Variants in SIL1 observed in about 807,000 individuals in gnomAD.
SIL1 encodes the protein SIL1 nucleotide exchange factor.
Under a neutral mutation model 49.1 loss-of-function variants are expected in SIL1, and 40 were observed. That is an observed-to-expected ratio of 0.81 (90% CI 0.63 to 1.06). The LOEUF is 1.06. Among genes scored for constraint, SIL1 ranks in the 50% least tolerant of loss-of-function variants. SIL1 has a pLI of 0.00. For missense variants in SIL1, 500 were observed against 572.6 expected, an observed-to-expected ratio of 0.87 and a Z score of 1.29; for synonymous variants, 253 against 250.8, an observed-to-expected ratio of 1.01 and a Z score of -0.08.
intron 3 of SIL1, among the ~76,000 whole-genome samples, chr5:139,095,055 C>A (rs932403631): frequency 3.9e-5 from 6 of 152,194 alleles, no homozygotes; most frequent in Admixed American, 2.0e-4. Flanking sequence ...TGCATCATAT[C>A]CACATGACAA....
chr5:139,169,158 A>T (rs1751682926), intron 1 of SIL1, among the ~76,000 whole-genome samples: 1 of 152,124 alleles, frequency 6.6e-6, no homozygotes, highest in Admixed American at 6.6e-5. Flanking sequence ...TCCTGCCTCT[A>T]AACAAAAATG....
chr5:139,185,221 G>C (rs1320895887), intron 1 of SIL1, among the ~76,000 whole-genome samples: 1 of 152,164 alleles, frequency 6.6e-6, no homozygotes, highest in Non-Finnish European at 1.5e-5. Context: ...CAGGGTGTGT[G>C]AGTGTACCTT....
chr5:139,081,029 G>T (rs1770061125), intron 3 of SIL1, among the ~76,000 whole-genome samples: 1 of 152,094 alleles, frequency 6.6e-6, no homozygotes, highest in African/African-American at 2.4e-5. Flanking sequence ...AAAAAGAGTT[G>T]GACTACCTCA....
chr5:139,164,975 T>C (rs1751586123), intron 1 of SIL1, among the ~76,000 whole-genome samples: 1 of 152,378 alleles, frequency 6.6e-6, no homozygotes, highest in South Asian at 2.1e-4. Context: ...ATATCTTGAA[T>C]GGCCCTGCAA....
At chr5:139,009,903 CTTCAT>C (rs1768213996) in intron 7 of SIL1, among the ~76,000 whole-genome samples, 3 of 150,110 alleles carry the variant, frequency 2.0e-5, no homozygotes. Context: ...ACATTTTTTC[CTTCAT>C]TTCAACTTTG....
At chr5:138,983,227 G>A (rs76044152) in intron 7 of SIL1, among the ~76,000 whole-genome samples, 53 of 119,496 alleles carry the variant, frequency 4.4e-4, no homozygotes, top group African/African-American at 1.6e-3. Flanking sequence ...AAAAAAAAAA[G>A]GCCGGGCGCG....
intron 7 of SIL1, among the ~76,000 whole-genome samples, chr5:138,982,196 G>A (rs1767542035): frequency 1.3e-5 from 2 of 152,196 alleles, no homozygotes; most frequent in African/African-American, 4.8e-5. Context: ...TCCTCTAAGA[G>A]TGTAACAGAG....
chr5:139,132,039 A>C (rs370175115), intron 1 of SIL1, among the ~76,000 whole-genome samples: 1 of 152,332 alleles, frequency 6.6e-6, no homozygotes, highest in African/African-American at 2.4e-5. Flanking sequence ...TGAGATACTC[A>C]TGTGTATACA....
In SIL1 at chr5:139,197,642, C is replaced by T. The variant is rs148752448; in HGVS notation, c.-11+627G>A. Among the ~76,000 whole-genome samples, 85 of 152,268 alleles carry T rather than the reference C, an allele frequency of 5.6e-4. No individual in the cohort carries two copies. The East Asian group carries it at 0.015, about 27-fold the overall frequency. On this transcript the variant is annotated intron_variant, in intron 1 of 9. Coordinates refer to ENST00000394817, the MANE Select transcript of SIL1 (RefSeq NM_022464.5). ...CCAGGGGCTCATATGTCAAGTCATT[C>T]TCTCCTGACTTCTGAAGCAGGGATT...
chr5:139,159,935 T>C (rs942039043), intron 1 of SIL1, among the ~76,000 whole-genome samples: 1 of 151,912 alleles, frequency 6.6e-6, no homozygotes, highest in African/African-American at 2.4e-5. Flanking sequence ...ACAAAAACCC[T>C]CAACCTAAAA....
At chr5:139,187,346 G>A (rs555018075) in intron 1 of SIL1, among the ~76,000 whole-genome samples, 4 of 152,146 alleles carry the variant, frequency 2.6e-5, no homozygotes, top group African/African-American at 9.6e-5. Flanking sequence ...GTGAAACCCC[G>A]TCTCTACTAA....
At chr5:139,097,687 A>G (rs886280093) in intron 3 of SIL1, among the ~76,000 whole-genome samples, 3 of 152,060 alleles carry the variant, frequency 2.0e-5, no homozygotes, top group African/African-American at 7.2e-5. Flanking sequence ...CATATTGGCC[A>G]GGCTGGTCTT....
chr5:139,026,828 GA>G lies in SIL1; in HGVS notation c.617del (p.Leu206ProfsTer26), dbSNP rs1768664693. 1.2e-6 allele frequency: 2 copies of G among 1,614,122 alleles called. No individual in the cohort carries two copies. Among genetic ancestry groups the G allele is most frequent in the African/African-American group, 2.7e-5 (2 of 75,058 alleles). On this transcript the variant is annotated frameshift_variant, in exon 6 of 10. Transcript: ENST00000394817. LOFTEE classifies it high-confidence loss of function. ...SSSLEEKIAA[L>X]FDLEYYVHQM... is the part of the protein sequence containing the mutation. The stretch of plus-strand genomic sequence containing the variant: ...GATGGACATAATATTCAAGATCAAA[GA>G]GCGCAGCAATCTTCTCTTCCAAACT...
intron 1 of SIL1, among the ~76,000 whole-genome samples, chr5:139,178,244 T>C (rs1020916518): frequency 6.6e-5 from 10 of 152,220 alleles, no homozygotes; most frequent in African/African-American, 1.9e-4. Flanking sequence ...AGTCTCAAGA[T>C]TGCCATTTAG....
rs549935736 is a variant in SIL1, at chr5:139,187,134, G to A, written c.-11+11135C>T. Among the ~76,000 whole-genome samples, 44 of 152,274 alleles carry A rather than the reference G, an allele frequency of 2.9e-4. No homozygotes were observed. In the Middle Eastern group the frequency reaches 0.01, roughly 35 times the overall value. On this transcript the variant is annotated intron_variant, in intron 1 of 9. Transcript: ENST00000394817. ...ACAAACATCATACCATAATAAAAGTGTGCTGAATTCTATAATAAAGGTGTT... is the reference window on the plus strand; with the variant it reads ...ACAAACATCATACCATAATAAAAGTATGCTGAATTCTATAATAAAGGTGTT...
At chr5:138,953,649 G>A (rs1766835647) in intron 7 of SIL1, among the ~76,000 whole-genome samples, 1 of 151,810 alleles carries the variant, frequency 6.6e-6, no homozygotes, top group South Asian at 2.1e-4. Context: ...GCAGGCAGGC[G>A]CTGGCGCAGG....
chr5:139,178,334 G>T lies in SIL1; in HGVS notation c.-11+19935C>A, dbSNP rs568929120. Among the ~76,000 whole-genome samples the T allele has an allele frequency of 6.6e-5, 10 of 152,254 alleles. No individual in the cohort carries two copies. In the South Asian group the frequency reaches 2.1e-3, roughly 32 times the overall value. On this transcript the variant is annotated intron_variant, in intron 1 of 9. Transcript: ENST00000394817. Reference sequence around the variant, plus strand: ...TCACTCCCTCAACAAAATCCATCCAGTGTCCAAAAGGGTGCTGCTCATTTG... The same window carrying T: ...TCACTCCCTCAACAAAATCCATCCATTGTCCAAAAGGGTGCTGCTCATTTG...
chr5:139,188,859 G>T (rs1752120031), intron 1 of SIL1, among the ~76,000 whole-genome samples: 1 of 152,178 alleles, frequency 6.6e-6, no homozygotes, highest in Non-Finnish European at 1.5e-5. Flanking sequence ...CCGAAACAAG[G>T]CCTGCTGGCT....
intron 1 of SIL1, among the ~76,000 whole-genome samples, chr5:139,129,710 T>A (rs763206311): frequency 3.9e-5 from 6 of 152,300 alleles, no homozygotes; most frequent in Admixed American, 6.5e-5. Context: ...CCTTACCTTA[T>A]ATCATTTATA....
Sources: allele counts gnomAD v4.1 joint callset (sites outside exome capture counted in the v4.1 genomes callset), GRCh38; gene constraint gnomAD v4.1.1; transcripts MANE v1.5; gene names NCBI Gene and HGNC (gene_info 2026-07-23, HGNC 2026-07-21).